The following CRABP1 variants were observed in gnomAD, a reference collection of about 807,000 sequenced individuals.
CRABP1 encodes the protein cellular retinoic acid-binding protein 1.
A neutral mutation model predicts 16.4 loss-of-function variants in CRABP1; 9 were observed. The ratio of observed to expected loss-of-function variants is 0.55; its 90% CI spans 0.33 to 0.96. The LOEUF is 0.96. CRABP1 is among the 40% of genes least tolerant of loss of function. The pLI is 0.03. For missense variants in CRABP1, 157 were observed against 186.0 expected, an observed-to-expected ratio of 0.84 and a Z score of 0.91; for synonymous variants, 72 against 70.4, an observed-to-expected ratio of 1.02 and a Z score of -0.11.
chr15:78,347,408 C>T (rs2050272623), intron 3 of CRABP1, among the ~76,000 whole-genome samples: 1 of 152,186 alleles, frequency 6.6e-6, no homozygotes, highest in Admixed American at 6.5e-5. Context: ...TTCTAGCTTG[C>T]AGGTGACTTG....
chr15:78,343,591 G>A lies in CRABP1; in HGVS notation c.342G>A (p.Leu114=), dbSNP rs973737221. The A allele has an allele frequency of 6.2e-7, 1 of 1,614,136 alleles. No individual in the cohort carries two copies. The highest frequency in any genetic ancestry group is 8.5e-7 in the Non-Finnish European group (1 of 1,180,008). ...DGPKTYWTRE[L]ANDELILTFG... ...CCAAAACCTACTGGACCCGTGAGCT[G>A]GCCAACGATGAACTTATCCTGGTAG... The change falls in exon 3 of 4, where the codon CTG becomes CTA. Residue 114 remains leucine, a synonymous_variant. Coordinates refer to ENST00000299529, the MANE Select transcript of CRABP1 (RefSeq NM_004378.3).
At chr15:78,346,701 C>T (rs1052095482) in intron 3 of CRABP1, among the ~76,000 whole-genome samples, 4 of 152,174 alleles carry the variant, frequency 2.6e-5, no homozygotes, top group Non-Finnish European at 5.9e-5. Flanking sequence ...GCATCTGCTT[C>T]CTCAGTCACT....
At chr15:78,345,511 G>A (rs934030869) in intron 3 of CRABP1, among the ~76,000 whole-genome samples, 1 of 152,162 alleles carries the variant, frequency 6.6e-6, no homozygotes, top group Non-Finnish European at 1.5e-5. Flanking sequence ...AGACAGCAGA[G>A]GGAGATGATT....
intron 3 of CRABP1, among the ~76,000 whole-genome samples, chr15:78,344,041 A>T (rs1186421566): frequency 1.3e-5 from 2 of 152,074 alleles, no homozygotes; most frequent in Admixed American, 6.5e-5. Flanking sequence ...TCACATCAGC[A>T]CTCAGAACCT....
chr15:78,346,094 T>C lies in CRABP1; in HGVS notation c.364-1833T>C, dbSNP rs183550574. 4.6e-3 allele frequency among the ~76,000 whole-genome samples: 704 copies of C among 152,326 alleles called. 11 individuals carry two copies. Among genetic ancestry groups the C allele is most frequent in the African/African-American group, 0.016 (669 of 41,570 alleles). On this transcript the variant is annotated intron_variant, in intron 3 of 3. Coordinates refer to ENST00000299529, the MANE Select transcript of CRABP1 (RefSeq NM_004378.3). ...AAGCTATTTGTTAGCTGGGGAGAGC[T>C]GTCAGCTAGTGAGAATAGTTTCTCC...
Sources: gnomAD v4.1 joint callset for allele counts (sites outside exome capture counted in the v4.1 genomes callset) on GRCh38, gnomAD v4.1.1 for gene constraint, MANE v1.5 for transcripts, NCBI Gene and HGNC (gene_info 2026-07-23, HGNC 2026-07-21) for gene names.